NINL: variants seen among roughly 807,000 people sequenced by gnomAD.
NINL encodes the protein ninein-like protein.
Under a neutral mutation model 160.3 loss-of-function variants are expected in NINL, and 153 were observed. The observed-to-expected ratio is 0.95, with a 90% CI of 0.84 to 1.09. The LOEUF (loss-of-function observed/expected upper bound fraction) is 1.09. Ranked by LOEUF, NINL falls within the 50% of genes least tolerant of loss-of-function variation. The pLI is 0.00. For missense variants in NINL, 1,829 were observed against 1,764.0 expected, an observed-to-expected ratio of 1.04 and a Z score of -0.66; for synonymous variants, 800 against 734.8, an observed-to-expected ratio of 1.09 and a Z score of -1.43.
intron 1 of NINL, among the ~76,000 whole-genome samples, chr20:25,543,866 T>A (rs2064699928): frequency 6.6e-6 from 1 of 150,484 alleles, no homozygotes; most frequent in African/African-American, 2.5e-5. Flanking sequence ...TAGCCGGAGG[T>A]TTCTGGACAG....
Position 25,472,324 on chromosome 20 carries a change from GATATATATATATATATATATAT to G in NINL, c.3249-2251_3249-2230del, listed in dbSNP as rs56260321. ...ATTGAAGAAAATAGTGGGAGGAGAG[GATATATATATATATATATATAT>G]ATATATATATATATATATATACTTT... On this transcript the variant is annotated intron_variant, in intron 17 of 23. Coordinates refer to ENST00000278886, the MANE Select transcript of NINL (RefSeq NM_025176.6). Among the ~76,000 whole-genome samples the G allele has an allele frequency of 1.0e-3, 87 of 83,956 alleles. 1 individual carries two copies. Among genetic ancestry groups the G allele is most frequent in the Middle Eastern group, 8.8e-3 (1 of 114 alleles). 55.1% of individuals were successfully genotyped at this position (83,956 alleles called of 152,430 possible).
intron 5 of NINL, chr20:25,509,666 C>T (rs1353095016): frequency 2.2e-6 from 1 of 456,604 alleles, no homozygotes; most frequent in Non-Finnish European, 4.4e-6. Context: ...CCTCTCACAC[C>T]CACCTTTCTG....
rs1187211144 is a variant in NINL, at chr20:25,472,343, A to ATGTG, written c.3249-2249_3249-2248insCACA. The stretch of plus-strand genomic sequence containing the variant: ...GGAGAGGATATATATATATATATAT[A>ATGTG]TATATATATATATATATATATATAC... On this transcript the variant is annotated intron_variant, in intron 17 of 23. Transcript: ENST00000278886. Among the ~76,000 whole-genome samples the ATGTG allele has an allele frequency of 3.8e-3, 487 of 128,812 alleles. 10 individuals are homozygous for ATGTG. Among genetic ancestry groups the ATGTG allele is most frequent in the African/African-American group, 0.015 (465 of 30,380 alleles). The allele number at this position is 128,812 out of a possible 152,430, so 84.5% of individuals were successfully genotyped here. A position where few individuals can be genotyped will look rare whatever the true frequency, so the allele number is the denominator to read the frequency against.
At chr20:25,542,749 G>A (rs1600313291) in intron 1 of NINL, among the ~76,000 whole-genome samples, 1 of 94,438 alleles carries the variant, frequency 1.1e-5, no homozygotes, top group Non-Finnish European at 2.0e-5. Flanking sequence ...AAAAAAAAAA[G>A]CCTGGGCGTG....
Position 25,479,184 on chromosome 20 carries a change from A to G in NINL, c.1940T>C (p.Ile647Thr). ...CTCAAAGTTCCTTTTCAGTGCCGCA[A>G]TTTCCCTTTCGTAGTAATTTACCTA... is the stretch of plus-strand genomic sequence containing the variant. ...ETKVNYYERE[I>T]AALKRNFEKE... The change falls in exon 16 of 24, where the codon ATT becomes ACT. Residue 647 changes from isoleucine (I) to threonine (T), a missense_variant. Physicochemically the swap from Ile to Thr is moderately conservative, Grantham distance 89. Coordinates refer to ENST00000278886, the MANE Select transcript of NINL (RefSeq NM_025176.6). 6.2e-7 allele frequency: 1 copy of G among 1,608,696 alleles called. No individual in the cohort carries two copies. The highest frequency in any genetic ancestry group is 8.5e-7 in the Non-Finnish European group (1 of 1,176,406).
At position 25,505,041 on chromosome 20, in the gene NINL, G is replaced by C. The variant is rs532756641; in HGVS notation, c.555C>G (p.Ser185Arg). 23 of 1,607,556 alleles carry C rather than the reference G, an allele frequency of 1.4e-5. No individual in the cohort carries two copies. The East Asian group carries it at 5.1e-4, about 36-fold the overall frequency. Reference protein sequence around the residue: ...LQTWDSEDFGSPQKSCSPSFD... With the variant: ...LQTWDSEDFGRPQKSCSPSFD... ...AGGAGGGGCTGCAGGACTTCTGGGGGCTCCCAAAGTCCTCAGAATCCCAGG... is the reference window on the plus strand; with the variant it reads ...AGGAGGGGCTGCAGGACTTCTGGGGCCTCCCAAAGTCCTCAGAATCCCAGG... The change falls in exon 6 of 24, where the codon AGC becomes AGG. Residue 185 changes from serine (S) to arginine (R), a missense_variant. Transcript: ENST00000278886.
chr20:25,490,736 C>A (rs2063613179), intron 11 of NINL, among the ~76,000 whole-genome samples: 1 of 151,866 alleles, frequency 6.6e-6, no homozygotes, highest in South Asian at 2.1e-4. Context: ...TGGGGGACTG[C>A]AGTGAGAAGG....
chr20:25,470,196 A>G (rs2063062334), intron 17 of NINL, 101 bp from the exon 18 acceptor site: 2 of 853,090 alleles, frequency 2.3e-6, no homozygotes, highest in Non-Finnish European at 3.9e-6. Context: ...GTGCGTCCCC[A>G]TCTCCCCGTC....
intron 1 of NINL, among the ~76,000 whole-genome samples, chr20:25,547,346 C>A (rs139485753): frequency 6.6e-6 from 1 of 152,290 alleles, no homozygotes; most frequent in East Asian, 1.9e-4. Flanking sequence ...TCATAATAAA[C>A]CGGTAAACAT....
intron 1 of NINL, among the ~76,000 whole-genome samples, chr20:25,584,164 C>T (rs1434243260): frequency 1.3e-5 from 2 of 151,922 alleles, no homozygotes; most frequent in East Asian, 3.9e-4. Context: ...AATTAAAAAA[C>T]AAAAACAAAA....
intron 17 of NINL, among the ~76,000 whole-genome samples, chr20:25,473,675 T>TATAC (rs372432554): frequency 7.3e-6 from 1 of 137,904 alleles, no homozygotes; most frequent in Non-Finnish European, 1.6e-5. Context: ...AATACACACA[T>TATAC]ACACACACAC....
At chr20:25,526,749 G>A (rs530693027) in intron 1 of NINL, among the ~76,000 whole-genome samples, 151 bp from the exon 2 acceptor site, 1 of 152,360 alleles carries the variant, frequency 6.6e-6, no homozygotes, top group Non-Finnish European at 1.5e-5. Flanking sequence ...GCAGGGCCAA[G>A]CACACAGTGG....
At chr20:25,518,011 A>G (rs755777392) in intron 2 of NINL, among the ~76,000 whole-genome samples, 162 bp from the exon 3 acceptor site, 2 of 152,278 alleles carry the variant, frequency 1.3e-5, no homozygotes, top group Non-Finnish European at 2.9e-5. Flanking sequence ...TTTTAAAAAC[A>G]GAAGAGCATG....
At chr20:25,518,164 A>G (rs1201886353) in intron 2 of NINL, among the ~76,000 whole-genome samples, 1 of 152,206 alleles carries the variant, frequency 6.6e-6, no homozygotes, top group Non-Finnish European at 1.5e-5. Context: ...GGCATCCCCA[A>G]CGCCACCAGC....
At chr20:25,553,052 C>A (rs2064823608) in intron 1 of NINL, among the ~76,000 whole-genome samples, 1 of 151,328 alleles carries the variant, frequency 6.6e-6, no homozygotes, top group African/African-American at 2.4e-5. Flanking sequence ...CTCACTGTGG[C>A]CCTCCACTTC....
intron 1 of NINL, among the ~76,000 whole-genome samples, chr20:25,531,800 C>A (rs1470940197): frequency 6.6e-6 from 1 of 152,194 alleles, no homozygotes; most frequent in African/African-American, 2.4e-5. Flanking sequence ...GAGCTGTTTT[C>A]CCAATGTCAG....
chr20:25,572,297 G>A (rs1467024697), intron 1 of NINL, among the ~76,000 whole-genome samples: 2 of 151,198 alleles, frequency 1.3e-5, no homozygotes, highest in African/African-American at 4.9e-5. Flanking sequence ...GAAAAAAAAC[G>A]GCCCCAGGAG....
intron 1 of NINL, among the ~76,000 whole-genome samples, chr20:25,543,212 A>G (rs2064691382): frequency 6.6e-6 from 1 of 152,184 alleles, no homozygotes; most frequent in African/African-American, 2.4e-5. Flanking sequence ...GTTAGAAACA[A>G]TAAGTGAATT....
intron 16 of NINL, 97 bp downstream of exon 16, chr20:25,478,826 G>A (rs1395121263): frequency 7.1e-7 from 1 of 1,399,622 alleles, no homozygotes; most frequent in Admixed American, 2.3e-5. Flanking sequence ...CCAGTCGGGA[G>A]GCACAGCAAT....
Sources: allele counts gnomAD v4.1 joint callset (sites outside exome capture counted in the v4.1 genomes callset), GRCh38; gene constraint gnomAD v4.1.1; transcripts MANE v1.5; gene names NCBI Gene and HGNC (gene_info 2026-07-23, HGNC 2026-07-21).